Variants in SEC31A observed in about 807,000 individuals in gnomAD.
SEC31A encodes protein transport protein Sec31A.
SEC31A carries 70 observed loss-of-function variants against 151.0 expected under a neutral mutation model. The observed-to-expected ratio is 0.46, with a 90% confidence interval of 0.38 to 0.57. The LOEUF (loss-of-function observed/expected upper bound fraction) is 0.57. Among genes scored for constraint, SEC31A ranks in the 20% least tolerant of loss-of-function variants. The pLI, the probability that SEC31A is intolerant of heterozygous loss-of-function variation, is 0.00. For missense variants in SEC31A, 1,330 were observed against 1,471.2 expected (o/e 0.90, Z 1.57); for synonymous variants, 475 against 505.9 (o/e 0.94, Z 0.82).
chr4:82,831,827 T>C (rs1726033525), intron 22 of SEC31A, among the ~76,000 whole-genome samples: 1 of 152,068 alleles, frequency 6.6e-6, no homozygotes, highest in South Asian at 2.1e-4. Flanking sequence ...ACTAAGAGAA[T>C]AAAATACCTA....
intron 21 of SEC31A, 119 bp from the exon 22 acceptor site, chr4:82,842,600 C>A (rs1702811014): frequency 2.5e-6 from 2 of 803,160 alleles, no homozygotes; most frequent in East Asian, 2.7e-5. Context: ...AAGTTACAAT[C>A]CCAAATTAAA....
At chr4:82,871,660 C>T in intron 7 of SEC31A, 1 of 526,266 alleles carries the variant, frequency 1.9e-6, no homozygotes, top group East Asian at 3.2e-5. Context: ...CATGTAATCC[C>T]AGCTATAAAA....
At chr4:82,888,084 AC>A (rs1300454909) in intron 1 of SEC31A, among the ~76,000 whole-genome samples, 2 of 138,858 alleles carry the variant, frequency 1.4e-5, no homozygotes, top group African/African-American at 5.5e-5. Context: ...AACAAAAAAA[AC>A]ATCTATTAGC....
At chr4:82,839,037 G>A (rs1728107901) in intron 22 of SEC31A, among the ~76,000 whole-genome samples, 2 of 152,184 alleles carry the variant, frequency 1.3e-5, no homozygotes, top group African/African-American at 4.8e-5. Flanking sequence ...GGGTGCAGTG[G>A]CACGATCTCA....
intron 22 of SEC31A, among the ~76,000 whole-genome samples, chr4:82,836,372 C>CAAAAAAAA (rs70943158): frequency 2.3e-4 from 14 of 61,970 alleles, no homozygotes; most frequent in East Asian, 1.2e-3. Context: ...GACTCCATCT[C>CAAAAAAAA]AAAAAAAAAA....
intron 15 of SEC31A, among the ~76,000 whole-genome samples, chr4:82,857,421 A>C (rs1406472377): frequency 1.3e-5 from 2 of 152,180 alleles, no homozygotes; most frequent in African/African-American, 4.8e-5. Context: ...CACTGATCAC[A>C]TATACTGTAC....
At chr4:82,830,569 A>G (rs1377633679) in intron 22 of SEC31A, among the ~76,000 whole-genome samples, 1 of 152,266 alleles carries the variant, frequency 6.6e-6, no homozygotes, top group Admixed American at 6.5e-5. Flanking sequence ...GTTAACCACA[A>G]AATATTAACT....
At chr4:82,850,606 A>C (rs941895291) in intron 19 of SEC31A, among the ~76,000 whole-genome samples, 4 of 152,206 alleles carry the variant, frequency 2.6e-5, no homozygotes, top group African/African-American at 9.6e-5. Flanking sequence ...CAAGGCTCAA[A>C]ATCAAGCTCC....
chr4:82,887,627 T>C (rs1438695523), intron 1 of SEC31A, among the ~76,000 whole-genome samples: 2 of 152,252 alleles, frequency 1.3e-5, no homozygotes, highest in African/African-American at 4.8e-5. Flanking sequence ...GTATCTATAC[T>C]ACAGGGTTGT....
chr4:82,881,800 T>C, intron 2 of SEC31A, 58 bp downstream of exon 2: 2 of 1,284,414 alleles, frequency 1.6e-6, no homozygotes, highest in Admixed American at 3.4e-5. Flanking sequence ...CTGAATAAGC[T>C]AGGTGCAGAA....
chr4:82,821,132 T>C, intron 25 of SEC31A, 24 bp from the exon 26 acceptor site: 1 of 1,587,342 alleles, frequency 6.3e-7, no homozygotes. Context: ...AAAATAGATG[T>C]TATATTTGAA....
At chr4:82,843,340 G>A (rs1729340330) in intron 21 of SEC31A, among the ~76,000 whole-genome samples, 1 of 152,046 alleles carries the variant, frequency 6.6e-6, no homozygotes, top group Admixed American at 6.6e-5. Flanking sequence ...GTCTTCCTTT[G>A]TTCCCCAGGC....
upstream of SEC31A, chr4:82,891,160 G>A: frequency 1.3e-6 from 2 of 1,535,524 alleles, no homozygotes; most frequent in African/African-American, 1.4e-5. Context: ...ATTCGCCGCC[G>A]CCCCTCCTCC....
chr4:82,863,879 A>T (rs1578289940), intron 11 of SEC31A, among the ~76,000 whole-genome samples: 2 of 152,164 alleles, frequency 1.3e-5, no homozygotes, highest in African/African-American at 4.8e-5. Context: ...ATAAAGAAAC[A>T]GACATTCCAG....
intron 21 of SEC31A, 81 bp from the exon 22 acceptor site, chr4:82,842,562 A>C: frequency 2.0e-6 from 2 of 1,009,432 alleles, no homozygotes; most frequent in Non-Finnish European, 1.4e-6. Context: ...AAGTTATCTC[A>C]GTCTATAGAA....
intron 18 of SEC31A, among the ~76,000 whole-genome samples, chr4:82,852,093 G>A (rs11728953): frequency 0.21 from 31,453 of 152,006 alleles, 3,360 homozygotes; most frequent in South Asian, 0.34. Flanking sequence ...TTCCAGTGCT[G>A]TTCTCTTGAC....
At chr4:82,894,365 C>T (rs3947914), upstream of SEC31A, 103,419 of 152,076 alleles carry the variant, frequency 0.68, 37,523 homozygotes, top group Non-Finnish European at 0.8. Flanking sequence ...CCTGATCCCA[C>T]TTATTTAAAA....
At chr4:82,849,770 T>G (rs1346046229) in intron 19 of SEC31A, among the ~76,000 whole-genome samples, 1 of 151,988 alleles carries the variant, frequency 6.6e-6, no homozygotes, top group East Asian at 1.9e-4. Context: ...GATCTGTAGC[T>G]CATACAGATC....
intron 22 of SEC31A, among the ~76,000 whole-genome samples, chr4:82,830,004 A>C (rs1303086911): frequency 6.6e-6 from 1 of 152,228 alleles, no homozygotes; most frequent in Admixed American, 6.5e-5. Flanking sequence ...ATGTAAAGAC[A>C]AAAAAATTAT....
Sources: allele counts gnomAD v4.1 joint callset (sites outside exome capture counted in the v4.1 genomes callset), GRCh38; gene constraint gnomAD v4.1.1; transcripts MANE v1.5; gene names NCBI Gene and HGNC (gene_info 2026-07-23, HGNC 2026-07-21).